Variants in SNX1 observed in about 807,000 individuals in gnomAD.
SNX1 encodes sorting nexin-1.
SNX1 carries 36 observed loss-of-function variants against 71.8 expected under a neutral mutation model. The ratio of observed to expected loss-of-function variants is 0.50; its 90% confidence interval spans 0.38 to 0.66. SNX1 has a LOEUF of 0.66. Among genes scored for constraint, SNX1 ranks in the 30% least tolerant of loss-of-function variants. The pLI, the probability that SNX1 is intolerant of heterozygous loss-of-function variation, is 0.00. For missense variants in SNX1, 612 were observed against 646.7 expected, an observed-to-expected ratio of 0.95 and a Z score of 0.58; for synonymous variants, 254 against 240.7, an observed-to-expected ratio of 1.06 and a Z score of -0.51.
At chr15:64,121,580 G>A (rs981809559) in intron 4 of SNX1, among the ~76,000 whole-genome samples, 6 of 152,088 alleles carry the variant, frequency 3.9e-5, no homozygotes, top group African/African-American at 1.2e-4. Context: ...CAGTTACATC[G>A]GTAAAGACCC....
At chr15:64,101,420 A>C (rs1272699474) in intron 1 of SNX1, among the ~76,000 whole-genome samples, 1 of 152,216 alleles carries the variant, frequency 6.6e-6, no homozygotes, top group Non-Finnish European at 1.5e-5. Flanking sequence ...AGGTTCATCC[A>C]TGTTATAACA....
At chr15:64,131,967 CA>C (rs904448918) in intron 11 of SNX1, 75 bp downstream of exon 11, 7 of 1,476,800 alleles carry the variant, frequency 4.7e-6, no homozygotes, top group Non-Finnish European at 6.6e-6. Flanking sequence ...CTTCCCAAGA[CA>C]GTTTCATCCC....
At chr15:64,117,289 C>G (rs1292887495) in intron 2 of SNX1, among the ~76,000 whole-genome samples, 1 of 152,154 alleles carries the variant, frequency 6.6e-6, no homozygotes, top group African/African-American at 2.4e-5. Context: ...GAGTCTCCCT[C>G]TGTTGCCCAG....
At chr15:64,121,600 A>G (rs954098177) in intron 4 of SNX1, among the ~76,000 whole-genome samples, 1 of 152,230 alleles carries the variant, frequency 6.6e-6, no homozygotes, top group African/African-American at 2.4e-5. Flanking sequence ...CTGTAAGATC[A>G]CATTCTGAGG....
chr15:64,128,553 A>G (rs1005125500), intron 8 of SNX1, among the ~76,000 whole-genome samples: 2 of 152,242 alleles, frequency 1.3e-5, no homozygotes, highest in South Asian at 2.1e-4. Flanking sequence ...TTTTTCTTTC[A>G]TTTGTATGTA....
intron 2 of SNX1, among the ~76,000 whole-genome samples, chr15:64,115,868 A>G (rs1451003009): frequency 6.6e-6 from 1 of 152,248 alleles, no homozygotes; most frequent in Admixed American, 6.5e-5. Flanking sequence ...ATTTCCAAAC[A>G]TGTTTGTTAA....
At chr15:64,108,099 A>G (rs1000245705) in intron 1 of SNX1, among the ~76,000 whole-genome samples, 3 of 151,904 alleles carry the variant, frequency 2.0e-5, no homozygotes, top group Non-Finnish European at 4.4e-5. Context: ...AGGCTGAGGC[A>G]GGAGAACGGC....
At chr15:64,097,916 A>G (rs1171385003) in intron 1 of SNX1, among the ~76,000 whole-genome samples, 1 of 152,254 alleles carries the variant, frequency 6.6e-6, no homozygotes, top group Non-Finnish European at 1.5e-5. Context: ...TCAGAAATTG[A>G]GTCCATAATC....
chr15:64,107,299 T>C (rs934970875), intron 1 of SNX1, among the ~76,000 whole-genome samples: 1 of 152,236 alleles, frequency 6.6e-6, no homozygotes, highest in Non-Finnish European at 1.5e-5. Flanking sequence ...GTTTTTGAGA[T>C]CCTTTGACTG....
chr15:64,136,823 C>A, intron 13 of SNX1, 38 bp from the exon 14 acceptor site: 2 of 1,550,630 alleles, frequency 1.3e-6, no homozygotes, highest in Non-Finnish European at 1.8e-6. Flanking sequence ...AAAGGGAAAG[C>A]AAAAACTGGA....
At chr15:64,120,708 G>A (rs1187747840) in intron 4 of SNX1, among the ~76,000 whole-genome samples, 1 of 152,112 alleles carries the variant, frequency 6.6e-6, no homozygotes, top group Non-Finnish European at 1.5e-5. Context: ...AGGCATGGCG[G>A]TACATGCCTG....
chr15:64,136,954 T>C, intron 14 of SNX1, 22 bp downstream of exon 14: 1 of 1,602,762 alleles, frequency 6.2e-7, no homozygotes, highest in Non-Finnish European at 8.5e-7. Context: ...GTGTGTGACC[T>C]TCATCCTCTA....
rs746946196 is a variant in SNX1 at position 64,136,396 on chromosome 15, G to A, written c.1432G>A (p.Val478Met). The change falls in exon 13 of 15, where the codon GTG (valine) becomes ATG (methionine). Residue 478 changes from valine (V) to methionine (M), a missense_variant. Val to Met is a conservative substitution (Grantham distance 21). Around this residue, in one of 2 missense-constraint regions of SNX1, gnomAD observed 296 missense variants for 361.9 expected, o/e 0.82. Coordinates refer to ENST00000559844, the MANE Select transcript of SNX1 (RefSeq NM_003099.5). ...ERISTVVRKE[V>M]IRFEKEKSKD... ...GATTTCAACAGTGGTCCGAAAAGAA[G>A]TGATACGGTTTGAGGTGAGATAGAA... 1 of 1,613,982 alleles carries A rather than the reference G, an allele frequency of 6.2e-7. No homozygotes were observed. The highest frequency in any genetic ancestry group is 8.5e-7 in the Non-Finnish European group (1 of 1,179,820).
At position 64,140,330 on chromosome 15, in the gene SNX1, G is replaced by C. The variant is rs1209041126; in HGVS notation, c.*2712G>C. ...TATCAATATGGATGCAGGGATTCCT[G>C]TTTTACTCAGAGTTGCAAGCCATTG... On this transcript the variant is annotated 3_prime_UTR_variant, in exon 15 of 15. Coordinates refer to ENST00000559844, the MANE Select transcript of SNX1 (RefSeq NM_003099.5). 1 of 152,226 alleles carries C rather than the reference G, an allele frequency of 6.6e-6. No individual in the cohort carries two copies. The highest frequency in any genetic ancestry group is 2.4e-5 in the African/African-American group (1 of 41,450). The allele number at this position is 152,226 out of a possible 1,614,324, so 9.4% of individuals were successfully genotyped here. A position where few individuals can be genotyped will look rare whatever the true frequency, so the allele number is the denominator to read the frequency against.
In SNX1 at chr15:64,096,115, C is replaced by T. The variant is rs535954030; in HGVS notation, c.102C>T (p.Pro34=). 57 of 1,560,504 alleles carry T rather than the reference C, an allele frequency of 3.7e-5. No homozygotes were observed. The highest frequency in any genetic ancestry group is 4.1e-5 in the Non-Finnish European group (47 of 1,153,800). Residue 34 remains proline, a synonymous_variant, in exon 1 of 15, where the codon CCC becomes CCT. Transcript: ENST00000559844. ...AGGGGGCGGCCGGGGGATCAGAACC[C>T]GAGGCTGGGGACAGCGACACCGAGG... ...ESEGAAGGSE[P]EAGDSDTEGE...
intron 6 of SNX1, among the ~76,000 whole-genome samples, chr15:64,126,838 A>G (rs1336744554): frequency 6.6e-6 from 1 of 152,196 alleles, no homozygotes; most frequent in Non-Finnish European, 1.5e-5. Flanking sequence ...TTGGCCTCCC[A>G]AAGTGCTGGG....
intron 10 of SNX1, 141 bp from the exon 11 acceptor site, chr15:64,131,546 T>C (rs2081306823): frequency 2.9e-6 from 2 of 690,630 alleles, no homozygotes; most frequent in Admixed American, 2.6e-5. Context: ...TTAACTGTGG[T>C]GTAAGTGACT....
At chr15:64,128,001 G>A (rs989556236) in intron 8 of SNX1, among the ~76,000 whole-genome samples, 195 bp downstream of exon 8, 2 of 152,264 alleles carry the variant, frequency 1.3e-5, no homozygotes, top group African/African-American at 4.8e-5. Flanking sequence ...GTCAAAAGCA[G>A]TTGGTTGTAA....
chr15:64,136,931 A>G lies in SNX1; in HGVS notation c.1517A>G (p.Gln506Arg), dbSNP rs1191304658. Residue 506 changes from glutamine (Q) to arginine (R), a missense_variant and splice_region_variant, in exon 14 of 15, where the codon CAG (glutamine) becomes CGG (arginine). Gln to Arg is a conservative substitution (Grantham distance 43). Around this residue, in one of 2 missense-constraint regions of SNX1, gnomAD observed 296 missense variants for 361.9 expected, o/e 0.82. Coordinates refer to ENST00000559844, the MANE Select transcript of SNX1 (RefSeq NM_003099.5). The part of the protein sequence containing the change: ...YLETLLYSQQ[Q>R]LAKYWEAFLP... ...GAGACACTCCTTTACTCACAGCAGC[A>G]GGTATGTAAGTTGTGTGTGACCTTC... The G allele has an allele frequency of 6.2e-7, 1 of 1,613,228 alleles. No homozygotes were observed. The highest frequency in any genetic ancestry group is 1.3e-5 in the African/African-American group (1 of 74,906).
Sources: allele counts gnomAD v4.1 joint callset (sites outside exome capture counted in the v4.1 genomes callset), GRCh38; gene constraint gnomAD v4.1.1; regional missense constraint gnomAD v4.1.1; transcripts MANE v1.5; gene names NCBI Gene and HGNC (gene_info 2026-07-23, HGNC 2026-07-21).